Variants in PLEKHA5 observed in about 807,000 individuals in gnomAD.
The protein encoded by PLEKHA5 is pleckstrin homology domain-containing family A member 5.
In PLEKHA5, 55 loss-of-function variants were observed where a neutral mutation model predicts 181.9. The ratio of observed to expected loss-of-function variants is 0.30; its 90% CI spans 0.24 to 0.38. PLEKHA5 has a LOEUF of 0.38. PLEKHA5 is among the 10% of genes least tolerant of loss of function. The pLI is 1.00. For synonymous variants in PLEKHA5, 535 were observed against 529.4 expected, an observed-to-expected ratio of 1.01 and a Z score of -0.15; for missense variants, 1,432 against 1,549.5, an observed-to-expected ratio of 0.92 and a Z score of 1.27.
chr12:19,327,543 G>A (rs936113822), intron 20 of PLEKHA5, among the ~76,000 whole-genome samples: 2 of 151,370 alleles, frequency 1.3e-5, no homozygotes, highest in Admixed American at 1.3e-4. Flanking sequence ...CATTCTGTAG[G>A]CTGTTTACTC....
chr12:19,231,567 C>CATATATATGT (rs1191074235), intron 3 of PLEKHA5, among the ~76,000 whole-genome samples: 1 of 143,094 alleles, frequency 7.0e-6, no homozygotes, highest in Non-Finnish European at 1.5e-5. Flanking sequence ...TATATGTACA[C>CATATATATGT]ATATATATGT....
intron 3 of PLEKHA5, among the ~76,000 whole-genome samples, chr12:19,137,516 C>T (rs1591774597): frequency 6.6e-6 from 1 of 152,152 alleles, no homozygotes. Flanking sequence ...AAAACAACTA[C>T]GAACTATGAT....
At chr12:19,193,466 G>A (rs1200767154) in intron 3 of PLEKHA5, among the ~76,000 whole-genome samples, 1 of 152,028 alleles carries the variant, frequency 6.6e-6, no homozygotes, top group Admixed American at 6.6e-5. Flanking sequence ...TTTATACTTG[G>A]ACGTTTATTC....
At chr12:19,181,683 C>T (rs1483378994) in intron 3 of PLEKHA5, among the ~76,000 whole-genome samples, 10 of 152,092 alleles carry the variant, frequency 6.6e-5, no homozygotes, top group Admixed American at 5.2e-4. Flanking sequence ...GGCTGAGACT[C>T]GAGAAGTGCT....
At chr12:19,344,223 C>A (rs1053498724) in intron 22 of PLEKHA5, among the ~76,000 whole-genome samples, 1 of 152,078 alleles carries the variant, frequency 6.6e-6, no homozygotes, top group Non-Finnish European at 1.5e-5. Context: ...TCTGAACAGG[C>A]ACTCTTAACA....
chr12:19,351,616 A>G (rs1451939197), intron 25 of PLEKHA5, among the ~76,000 whole-genome samples: 2 of 152,128 alleles, frequency 1.3e-5, no homozygotes, highest in Non-Finnish European at 2.9e-5. Flanking sequence ...TGCCACTTAC[A>G]CTTCAGCCTG....
At chr12:19,210,050 A>G (rs1306883453) in intron 3 of PLEKHA5, among the ~76,000 whole-genome samples, 1 of 152,146 alleles carries the variant, frequency 6.6e-6, no homozygotes, top group Non-Finnish European at 1.5e-5. Flanking sequence ...AAAATCTTTA[A>G]CGGATGTCCA....
chr12:19,294,752 G>T (rs59640955), intron 15 of PLEKHA5, among the ~76,000 whole-genome samples: 1 of 152,222 alleles, frequency 6.6e-6, no homozygotes, highest in African/African-American at 2.4e-5. Context: ...CTACTGGAAT[G>T]TTTAATAACA....
chr12:19,168,431 T>C (rs1005932642), intron 3 of PLEKHA5, among the ~76,000 whole-genome samples: 2 of 152,158 alleles, frequency 1.3e-5, no homozygotes, highest in African/African-American at 4.8e-5. Context: ...AACAAATCAT[T>C]TGTGGCCAAT....
At chr12:19,323,016 ATTTT>A (rs538132540) in intron 20 of PLEKHA5, among the ~76,000 whole-genome samples, 53,492 of 92,636 alleles carry the variant, frequency 0.58, 16,516 homozygotes, top group Non-Finnish European at 0.7. Context: ...ACCTGGCTAG[ATTTT>A]TTTTTTTTTT....
chr12:19,236,153 A>G (rs946994230), intron 3 of PLEKHA5, among the ~76,000 whole-genome samples: 6 of 152,214 alleles, frequency 3.9e-5, no homozygotes, highest in African/African-American at 1.4e-4. Context: ...CTTCTGTTGA[A>G]TAAATACCAA....
Position 19,376,084 on chromosome 12 carries a change from A to C in PLEKHA5, c.*565A>C, listed in dbSNP as rs1370312056. 1 of 152,270 alleles carries C rather than the reference A, an allele frequency of 6.6e-6. No homozygotes were observed. The highest frequency in any genetic ancestry group is 1.5e-5 in the Non-Finnish European group (1 of 67,980). 9.4% of individuals were successfully genotyped at this position (152,270 alleles called of 1,614,324 possible). On this transcript the variant is annotated 3_prime_UTR_variant, in exon 32 of 32. Coordinates refer to ENST00000429027, the MANE Select transcript of PLEKHA5 (RefSeq NM_001256470.2). ...TATAATTCTTTCTCGGTCAGATTGC[A>C]ATGTCAGCAGTTACTGCCACACTCC...
intron 3 of PLEKHA5, chr12:19,152,930 C>G (rs1292997795): frequency 6.6e-6 from 1 of 151,548 alleles, no homozygotes; most frequent in African/African-American, 2.4e-5. Flanking sequence ...TCCAAGAGAT[C>G]TTTTGACGAA....
chr12:19,183,569 A>G (rs1470088480), intron 3 of PLEKHA5, among the ~76,000 whole-genome samples: 1 of 152,192 alleles, frequency 6.6e-6, no homozygotes, highest in Non-Finnish European at 1.5e-5. Flanking sequence ...GTTAAGAGGC[A>G]TGTCACTGAG....
At chr12:19,211,889 C>G (rs1052136164) in intron 3 of PLEKHA5, among the ~76,000 whole-genome samples, 1 of 152,138 alleles carries the variant, frequency 6.6e-6, no homozygotes, top group Non-Finnish European at 1.5e-5. Flanking sequence ...CCTTATCATG[C>G]CAGCTAAAAT....
chr12:19,135,461 C>G (rs1018877102), intron 3 of PLEKHA5, among the ~76,000 whole-genome samples: 23 of 152,130 alleles, frequency 1.5e-4, no homozygotes, highest in African/African-American at 5.3e-4. Flanking sequence ...TTCTGGAAAA[C>G]AAGGAACTCA....
chr12:19,263,419 C>G (rs967263277), intron 7 of PLEKHA5, among the ~76,000 whole-genome samples: 1 of 152,126 alleles, frequency 6.6e-6, no homozygotes, highest in African/African-American at 2.4e-5. Flanking sequence ...CTCTTAATCA[C>G]GAGTTTTTGC....
chr12:19,346,018 C>T, intron 23 of PLEKHA5, 130 bp downstream of exon 23: 1 of 444,582 alleles, frequency 2.2e-6, no homozygotes, highest in Non-Finnish European at 4.1e-6. Flanking sequence ...TTGTTTTAGT[C>T]TTGAAATTTT....
chr12:19,212,507 C>A (rs1370278962), intron 3 of PLEKHA5, among the ~76,000 whole-genome samples: 1 of 152,098 alleles, frequency 6.6e-6, no homozygotes, highest in Non-Finnish European at 1.5e-5. Context: ...ATGGTGATAT[C>A]TCATCTCTGC....
Sources: allele counts gnomAD v4.1 joint callset (sites outside exome capture counted in the v4.1 genomes callset), GRCh38; gene constraint gnomAD v4.1.1; transcripts MANE v1.5; gene names NCBI Gene and HGNC (gene_info 2026-07-23, HGNC 2026-07-21).